The following FANCA variants were observed in gnomAD, a reference collection of about 807,000 sequenced individuals.
The protein encoded by FANCA is Fanconi anemia group A protein.
In FANCA, 236 loss-of-function variants were observed where a neutral mutation model predicts 194.3. That is an observed-to-expected ratio of 1.21 (90% CI 1.09 to 1.35). The LOEUF is 1.35. Among genes scored for constraint, FANCA ranks in the 40% most tolerant of loss-of-function variants. FANCA has a pLI of 0.00. For missense variants in FANCA, 2,628 were observed against 1,813.9 expected (o/e 1.45, Z -8.15); for synonymous variants, 1,014 against 715.8 (o/e 1.42, Z -6.65).
rs2151714594 is a variant in FANCA at position 89,739,998 on chromosome 16, C to G, written c.3930G>C (p.Glu1310Asp). 1.9e-6 allele frequency: 3 copies of G among 1,614,148 alleles called. No homozygotes were observed. The highest frequency in any genetic ancestry group is 2.5e-6 in the Non-Finnish European group (3 of 1,179,968). The change falls in exon 39 of 43, where the codon GAG becomes GAC. Residue 1310 changes from glutamate to aspartate, a missense_variant. Glu to Asp is a conservative substitution (Grantham distance 45). Transcript: ENST00000389301. ...ISWLALFQLTESDLRLGRLLL... is the reference protein window; with the variant it reads ...ISWLALFQLTDSDLRLGRLLL... ...CCTCAGCAGCGTGTTTCTTACCACT[C>G]TCTGTCAACTGAAAGAGTGCCAGCC...
At position 89,739,201 on chromosome 16, in the gene FANCA, G is replaced by C. The variant is rs2062056417; in HGVS notation, c.4099C>G (p.Leu1367Val). Residue 1367 changes from leucine (L) to valine (V), a missense_variant, in exon 41 of 43, where the codon CTC (leucine) becomes GTC (valine). Physicochemically the swap from Leu to Val is conservative, Grantham distance 32. Coordinates refer to ENST00000389301, the MANE Select transcript of FANCA (RefSeq NM_000135.4). ...AVDMYLKLVQLFVAGDTSTVS... is the reference protein window; with the variant it reads ...AVDMYLKLVQVFVAGDTSTVS... ...GTGCTTGTATCCCCAGCCACGAAGA[G>C]CTGGACCAGCTTCAAGTACATGTCC... The C allele has an allele frequency of 6.2e-7, 1 of 1,614,054 alleles. No individual in the cohort carries two copies. The highest frequency in any genetic ancestry group is 1.3e-5 in the African/African-American group (1 of 74,948).
In FANCA at chr16:89,775,631, C is replaced by G. The variant is rs946067005; in HGVS notation, c.1900+111G>C. 9 of 857,516 alleles carry G rather than the reference C, an allele frequency of 1.0e-5. 1 individual carries two copies. The Admixed American group carries it at 1.6e-4, about 15-fold the overall frequency. 53.1% of individuals were successfully genotyped at this position (857,516 alleles called of 1,614,324 possible). A position where few individuals can be genotyped will look rare whatever the true frequency, so the allele number is the denominator to read the frequency against. On this transcript the variant is annotated intron_variant, in intron 21 of 42. Transcript: ENST00000389301. ...CCTGTACCCAAAGCACCGGCTTGAG[C>G]TGGCACAGCCACCCCCGAGCTCACT...
intron 14 of FANCA, among the ~76,000 whole-genome samples, chr16:89,789,408 G>A (rs575315935): frequency 3.3e-5 from 5 of 150,678 alleles, no homozygotes; most frequent in African/African-American, 4.9e-5. Context: ...CTACTTCACC[G>A]AGGTGGTGAT....
intron 13 of FANCA, 90 bp downstream of exon 13, chr16:89,791,837 G>C: frequency 6.5e-7 from 1 of 1,543,394 alleles, no homozygotes; most frequent in Non-Finnish European, 8.9e-7. Context: ...GGGCTTCACT[G>C]AGAGGCTCAC....
At chr16:89,782,650 A>AGT (rs1229079151) in intron 17 of FANCA, among the ~76,000 whole-genome samples, 1 of 152,188 alleles carries the variant, frequency 6.6e-6, no homozygotes, top group Non-Finnish European at 1.5e-5. Flanking sequence ...TCTGCCACAC[A>AGT]GTAACCCTTT....
intron 5 of FANCA, among the ~76,000 whole-genome samples, chr16:89,809,141 C>T (rs1233216438): frequency 6.6e-6 from 1 of 151,950 alleles, no homozygotes; most frequent in Non-Finnish European, 1.5e-5. Flanking sequence ...CTCCTGACCT[C>T]ATGATCCACC....
intron 27 of FANCA, among the ~76,000 whole-genome samples, chr16:89,766,159 G>A (rs2039120747): frequency 6.6e-6 from 1 of 151,410 alleles, no homozygotes; most frequent in Non-Finnish European, 1.5e-5. Context: ...ACCACGCCTG[G>A]CTAATTTTTG....
intron 29 of FANCA, among the ~76,000 whole-genome samples, chr16:89,759,011 G>C (rs1250447384): frequency 6.6e-6 from 1 of 152,122 alleles, no homozygotes; most frequent in Non-Finnish European, 1.5e-5. Flanking sequence ...TTGGTGAACA[G>C]AATAGGCAAG....
intron 26 of FANCA, among the ~76,000 whole-genome samples, chr16:89,768,582 G>T (rs541502149): frequency 1.8e-4 from 28 of 152,182 alleles, no homozygotes; most frequent in African/African-American, 6.7e-4. Flanking sequence ...CTTGAACCCG[G>T]GAGGCGGAGG....
chr16:89,815,860 C>T lies in FANCA; in HGVS notation c.189+17G>A, dbSNP rs979878937. 1 of 1,585,728 alleles carries T rather than the reference C, an allele frequency of 6.3e-7. No individual in the cohort carries two copies. The highest frequency in any genetic ancestry group is 8.7e-7 in the Non-Finnish European group (1 of 1,154,186). On this transcript the variant is annotated intron_variant, in intron 2 of 42. Transcript: ENST00000389301. ...GAACCTAAATCTGCCCGCAGACGGACACCAGCTTCCTCTTACCTCAAGCAA... is the reference window on the plus strand; with the variant it reads ...GAACCTAAATCTGCCCGCAGACGGATACCAGCTTCCTCTTACCTCAAGCAA...
chr16:89,776,955 T>A (rs2143404661), intron 20 of FANCA, among the ~76,000 whole-genome samples: 1 of 152,346 alleles, frequency 6.6e-6, no homozygotes, highest in East Asian at 1.9e-4. Flanking sequence ...CTCATATTTG[T>A]AATCCCAGCA....
chr16:89,785,136 C>T lies in FANCA; in HGVS notation c.1360-172G>A, dbSNP rs1267915147. ...GTGTGAAGCCCACCTAGGCAGTGTC[C>T]GGGCGGCTGCTGTAGTCGGCCTCCT... On this transcript the variant is annotated intron_variant, in intron 14 of 42. Transcript: ENST00000389301. Among the ~76,000 whole-genome samples the T allele has an allele frequency of 2.0e-5, 3 of 152,098 alleles. 1 individual carries two copies. The highest frequency in any genetic ancestry group is 4.1e-4 in the South Asian group (2 of 4,834).
At chr16:89,816,257 C>T in intron 1 of FANCA, 1 of 446,460 alleles carries the variant, frequency 2.2e-6, no homozygotes. Flanking sequence ...CCCCAGGCCG[C>T]GCACCCCAGG....
intron 14 of FANCA, among the ~76,000 whole-genome samples, chr16:89,785,908 G>C (rs1405614126): frequency 6.8e-6 from 1 of 146,606 alleles, no homozygotes; most frequent in African/African-American, 2.6e-5. Context: ...AGGCTGGAGT[G>C]CAGTGGTGCC....
At chr16:89,791,325 G>A in intron 14 of FANCA, 78 bp downstream of exon 14, 1 of 1,550,064 alleles carries the variant, frequency 6.5e-7, no homozygotes, top group Non-Finnish European at 8.8e-7. Context: ...CAGAGAATCA[G>A]GTGGGGACAG....
chr16:89,754,410 C>T (rs745821067), intron 30 of FANCA, among the ~76,000 whole-genome samples: 34 of 152,150 alleles, frequency 2.2e-4, no homozygotes, highest in Non-Finnish European at 4.0e-4. Context: ...TCACTCTTGT[C>T]GCCCAGGCTG....
chr16:89,774,206 A>C (rs933382245), intron 21 of FANCA, among the ~76,000 whole-genome samples: 3 of 152,208 alleles, frequency 2.0e-5, no homozygotes, highest in African/African-American at 7.2e-5. Flanking sequence ...GAAACCAGAA[A>C]TCACAGGCTC....
At chr16:89,775,019 AG>A (rs929053564) in intron 21 of FANCA, among the ~76,000 whole-genome samples, 3 of 151,112 alleles carry the variant, frequency 2.0e-5, no homozygotes, top group Non-Finnish European at 2.9e-5. Context: ...GCTTGAACCC[AG>A]GGGGCAGAGG....
chr16:89,799,032 T>C, intron 10 of FANCA, 134 bp downstream of exon 10: 1 of 1,614,228 alleles, frequency 6.2e-7, no homozygotes, highest in Non-Finnish European at 8.5e-7. Flanking sequence ...TCACGCACGT[T>C]ATCGTAACTG....
Sources: gnomAD v4.1 joint callset for allele counts (sites outside exome capture counted in the v4.1 genomes callset) on GRCh38, gnomAD v4.1.1 for gene constraint, MANE v1.5 for transcripts, NCBI Gene and HGNC (gene_info 2026-07-23, HGNC 2026-07-21) for gene names.